The following CELF2 variants were observed in gnomAD, a reference collection of about 807,000 sequenced individuals.
The protein encoded by CELF2 is CUGBP Elav-like family member 2.
A neutral mutation model predicts 62.6 loss-of-function variants in CELF2; 8 were observed. The observed-to-expected ratio is 0.13, with a 90% CI of 0.07 to 0.23. The LOEUF (loss-of-function observed/expected upper bound fraction) is 0.23, where lower values mean the gene tolerates loss of function less well. Ranked by LOEUF, CELF2 falls within the 10% of genes least tolerant of loss-of-function variation. The pLI is 1.00. For synonymous variants in CELF2, 258 were observed against 250.0 expected, an observed-to-expected ratio of 1.03 and a Z score of -0.30; for missense variants, 333 against 671.0, an observed-to-expected ratio of 0.50 and a Z score of 5.56.
At chr10:11,106,005 T>A (rs2053348453) in intron 1 of CELF2, among the ~76,000 whole-genome samples, 1 of 152,212 alleles carries the variant, frequency 6.6e-6, no homozygotes, top group African/African-American at 2.4e-5. Context: ...TTGGCTCTTT[T>A]GATAGAATGT....
chr10:11,001,698 T>C (rs1298074736), upstream of CELF2, among the ~76,000 whole-genome samples: 1 of 152,220 alleles, frequency 6.6e-6, no homozygotes, highest in African/African-American at 2.4e-5. Flanking sequence ...AAAAATGTAA[T>C]TTATACAGCA....
At chr10:11,320,722 T>A in intron 10 of CELF2, 1 of 940,070 alleles carries the variant, frequency 1.1e-6, no homozygotes, top group Middle Eastern at 2.1e-4. Flanking sequence ...AAAAAAGTTT[T>A]ATTTCATCCT....
the CELF2 span, among the ~76,000 whole-genome samples, chr10:10,755,626 C>T: frequency 6.6e-6 from 1 of 152,218 alleles, no homozygotes; most frequent in African/African-American, 2.4e-5. Context: ...ATCTTTGTAA[C>T]CCTTCTCAGA....
the CELF2 span, among the ~76,000 whole-genome samples, chr10:10,598,964 C>G: frequency 1.3e-5 from 2 of 151,682 alleles, no homozygotes; most frequent in African/African-American, 4.8e-5. Flanking sequence ...GTTGGCCAGG[C>G]TGGTCTCAAA....
At chr10:10,776,832 A>C in the CELF2 span, among the ~76,000 whole-genome samples, 4 of 152,034 alleles carry the variant, frequency 2.6e-5, no homozygotes, top group Non-Finnish European at 5.9e-5. Flanking sequence ...TTTAGGCCTT[A>C]TTTTCCCCAT....
At chr10:11,181,314 T>A (rs77851088) in intron 2 of CELF2, among the ~76,000 whole-genome samples, 567 of 152,316 alleles carry the variant, frequency 3.7e-3, no homozygotes, top group Middle Eastern at 0.017. Context: ...TGACGTTACC[T>A]CTCTCATTTC....
In CELF2 at chr10:11,255,985, G is replaced by A. The variant is rs1240165676; in HGVS notation, c.404-1753G>A. ...GCTGGGAGGAGGACTCCAGGCTGTG[G>A]GCCAGGCTGGATGACCCTAGGCAGG... is the stretch of plus-strand genomic sequence containing the variant. On this transcript the variant is annotated intron_variant, in intron 4 of 12. Transcript: ENST00000633077. This position sits in a 1 kb window ranked among gnomAD's most constrained non-coding sequence, Gnocchi z 5.5. 6.6e-6 allele frequency among the ~76,000 whole-genome samples: 1 copy of A among 152,116 alleles called. No individual in the cohort carries two copies. Among genetic ancestry groups the A allele is most frequent in the Non-Finnish European group, 1.5e-5 (1 of 68,010 alleles).
Position 11,036,749 on chromosome 10 carries a change from G to A in CELF2, c.74+18586G>A, listed in dbSNP as rs115052616. On this transcript the variant is annotated intron_variant, in intron 1 of 12. Coordinates refer to ENST00000633077, the MANE Select transcript of CELF2 (RefSeq NM_001326342.2). Reference sequence around the variant, plus strand: ...GAGCCCGCTGGGGGTTTACAGATAGGCTTGTGCCTCATGGGCGGCTGAGGG... The same window carrying A: ...GAGCCCGCTGGGGGTTTACAGATAGACTTGTGCCTCATGGGCGGCTGAGGG... Among the ~76,000 whole-genome samples, 1,289 of 152,346 alleles carry A rather than the reference G, an allele frequency of 8.5e-3. 14 individuals are homozygous for A. Among genetic ancestry groups the A allele is most frequent in the African/African-American group, 0.03 (1,238 of 41,578 alleles).
the CELF2 span, among the ~76,000 whole-genome samples, chr10:10,532,886 C>CAAA: frequency 0.036 from 4,933 of 137,488 alleles, 296 homozygotes; most frequent in African/African-American, 0.13. Context: ...GACAAAATCT[C>CAAA]AAAAAAAAAA....
chr10:11,266,183 A>C (rs1045334571), intron 5 of CELF2, among the ~76,000 whole-genome samples: 1 of 152,212 alleles, frequency 6.6e-6, no homozygotes, highest in Non-Finnish European at 1.5e-5. Context: ...TTAAAAATCA[A>C]TGATAAAATT....
the CELF2 span, among the ~76,000 whole-genome samples, chr10:10,499,069 C>CTT: frequency 0.014 from 2,008 of 138,936 alleles, 32 homozygotes; most frequent in Admixed American, 0.026. Flanking sequence ...AAGCATTCTA[C>CTT]TTTTTTTTTT....
At chr10:10,681,218 G>T in the CELF2 span, among the ~76,000 whole-genome samples, 1 of 152,070 alleles carries the variant, frequency 6.6e-6, no homozygotes, top group Non-Finnish European at 1.5e-5. Context: ...ATCCCTCATA[G>T]TCTGCTGTGA....
the CELF2 span, among the ~76,000 whole-genome samples, chr10:10,751,231 C>G: frequency 6.6e-6 from 1 of 152,278 alleles, no homozygotes; most frequent in South Asian, 2.1e-4. Flanking sequence ...CCTCTTTGTC[C>G]TTTTGTGAAA....
At chr10:10,847,913 T>A (rs1377728399) in intron 1 of CELF2, among the ~76,000 whole-genome samples, 1 of 152,228 alleles carries the variant, frequency 6.6e-6, no homozygotes, top group Non-Finnish European at 1.5e-5. Context: ...TTTAAATGAC[T>A]ATATCCAAGT....
intron 1 of CELF2, among the ~76,000 whole-genome samples, chr10:11,138,835 T>G (rs1192959606): frequency 6.6e-6 from 1 of 152,194 alleles, no homozygotes; most frequent in African/African-American, 2.4e-5. Context: ...GTGCTGTGAC[T>G]GAAAACGGCC....
chr10:10,840,180 G>A (rs1327346658), intron 1 of CELF2, among the ~76,000 whole-genome samples: 1 of 152,164 alleles, frequency 6.6e-6, no homozygotes, highest in Non-Finnish European at 1.5e-5. Context: ...TCATGCGCAG[G>A]TTTTTATGTG....
rs2095024005 is a variant in CELF2, at chr10:11,316,730, A to G, written c.1096+2472A>G. The G allele has an allele frequency of 6.6e-6, 1 of 152,140 alleles. No individual in the cohort carries two copies. Among genetic ancestry groups the G allele is most frequent in the Non-Finnish European group, 1.5e-5 (1 of 68,018 alleles). The allele number at this position is 152,140 out of a possible 1,614,324, so 9.4% of individuals were successfully genotyped here. ...CGGTCAGCAAGAAAGCAGGTAGATG[A>G]CTCACCAGAGCCAACATTTTACCCT... On this transcript the variant is annotated intron_variant, in intron 10 of 12. Coordinates refer to ENST00000633077, the MANE Select transcript of CELF2 (RefSeq NM_001326342.2). The surrounding 1 kb of genome is among the most constrained non-coding windows in gnomAD (Gnocchi z 4.4).
At chr10:10,741,825 C>T in the CELF2 span, among the ~76,000 whole-genome samples, 2 of 152,118 alleles carry the variant, frequency 1.3e-5, no homozygotes, top group Non-Finnish European at 2.9e-5. Flanking sequence ...GCAAGTATCC[C>T]GATTCCTCCT....
At chr10:10,750,555 A>T in the CELF2 span, among the ~76,000 whole-genome samples, 1 of 152,274 alleles carries the variant, frequency 6.6e-6, no homozygotes, top group Non-Finnish European at 1.5e-5. Flanking sequence ...TTCACATTGG[A>T]TTAATTTGGA....
Sources: allele counts gnomAD v4.1 joint callset (sites outside exome capture counted in the v4.1 genomes callset), GRCh38; gene constraint gnomAD v4.1.1; non-coding constraint Gnocchi (gnomAD v3.1); transcripts MANE v1.5; gene names NCBI Gene and HGNC (gene_info 2026-07-23, HGNC 2026-07-21).